ATP10B: variants seen among roughly 807,000 people sequenced by gnomAD.
ATP10B encodes ATPase phospholipid transporting 10B (putative).
Under a neutral mutation model 141.2 loss-of-function variants are expected in ATP10B, and 122 were observed. The ratio of observed to expected loss-of-function variants is 0.86; its 90% CI spans 0.75 to 1.00. The LOEUF (loss-of-function observed/expected upper bound fraction) is 1.00, where lower values mean the gene tolerates loss of function less well. Ranked by LOEUF, ATP10B falls within the 50% of genes least tolerant of loss-of-function variation. The pLI is 0.00. For missense variants in ATP10B, 1,876 were observed against 1,825.3 expected (o/e 1.03, Z -0.51); for synonymous variants, 685 against 692.0 (o/e 0.99, Z 0.16).
chr5:160,781,457 A>C (rs768275489), intron 2 of ATP10B, among the ~76,000 whole-genome samples: 9 of 152,128 alleles, frequency 5.9e-5, no homozygotes, highest in Admixed American at 3.9e-4. Context: ...TTTGGTGGGC[A>C]CAGAACTCCA....
At chr5:160,653,922 A>T (rs1177425893) in intron 7 of ATP10B, among the ~76,000 whole-genome samples, 1 of 148 alleles carries the variant, frequency 6.8e-3, no homozygotes, top group South Asian at 0.25. Flanking sequence ...ACATATATAA[A>T]TATGTTGTAT....
the ATP10B span, among the ~76,000 whole-genome samples, chr5:160,923,923 A>G: frequency 4.4e-3 from 675 of 152,374 alleles, 3 homozygotes; most frequent in Non-Finnish European, 6.6e-3. Flanking sequence ...GGTGTTCAAA[A>G]GGATGGGGCT....
chr5:160,785,642 T>C lies in ATP10B; in HGVS notation c.-414A>G. The C allele has an allele frequency of 1.6e-6, 2 of 1,276,950 alleles. No homozygotes were observed. Among genetic ancestry groups the C allele is most frequent in the South Asian group, 1.2e-5 (1 of 80,782 alleles). 79.1% of individuals were successfully genotyped at this position (1,276,950 alleles called of 1,614,324 possible). A position where few individuals can be genotyped will look rare whatever the true frequency, so the allele number is the denominator to read the frequency against. ...AGTGTTTATTGTTCTCATCTTTGTGTCCATGTGTAAGAAATGGTAGTTTCT... is the reference window on the plus strand; with the variant it reads ...AGTGTTTATTGTTCTCATCTTTGTGCCCATGTGTAAGAAATGGTAGTTTCT... On this transcript the variant is annotated 5_prime_UTR_variant, in exon 2 of 26. Coordinates refer to ENST00000327245, the MANE Select transcript of ATP10B (RefSeq NM_025153.3).
Position 160,684,876 on chromosome 5 carries a change from C to T in ATP10B, c.470+1203G>A, listed in dbSNP as rs1172051844. 2.4e-5 allele frequency: 17 copies of T among 702,030 alleles called. 1 individual carries two copies. The highest frequency in any genetic ancestry group is 1.0e-4 in the African/African-American group (6 of 57,184). 43.5% of individuals were successfully genotyped at this position (702,030 alleles called of 1,614,324 possible). On this transcript the variant is annotated intron_variant, in intron 6 of 25. Transcript: ENST00000327245. ...ACTCTCGGTTATTGATGACTTTATC[C>T]GATTTGTACCTCCGGAGGTCTTCCC...
chr5:160,851,945 G>A lies in ATP10B; in HGVS notation c.-580C>T, dbSNP rs1173102159. 1 of 152,152 alleles carries A rather than the reference G, an allele frequency of 6.6e-6. No individual in the cohort carries two copies. 9.4% of individuals were successfully genotyped at this position (152,152 alleles called of 1,614,324 possible). A position where few individuals can be genotyped will look rare whatever the true frequency, so the allele number is the denominator to read the frequency against. Reference sequence around the variant, plus strand: ...GGCCAGGATGCTTTTACTTACCCCAGCAAAGCTGACGTCCCTATTGAGCAG... The same window carrying A: ...GGCCAGGATGCTTTTACTTACCCCAACAAAGCTGACGTCCCTATTGAGCAG... On this transcript the variant is annotated 5_prime_UTR_variant, in exon 1 of 26. Coordinates refer to ENST00000327245, the MANE Select transcript of ATP10B (RefSeq NM_025153.3).
chr5:160,652,568 C>T (rs1760827611), intron 7 of ATP10B, among the ~76,000 whole-genome samples: 2 of 144,564 alleles, frequency 1.4e-5, no homozygotes, highest in East Asian at 4.0e-4. Context: ...AAACAATCTT[C>T]CCACCTCAGC....
At chr5:160,597,985 G>C (rs1756832446) in intron 22 of ATP10B, among the ~76,000 whole-genome samples, 1 of 141,266 alleles carries the variant, frequency 7.1e-6, no homozygotes, top group Admixed American at 7.2e-5. Flanking sequence ...AGTCAGTGTG[G>C]GGATTCCTCA....
chr5:160,640,870 G>A (rs779284833), intron 9 of ATP10B, among the ~76,000 whole-genome samples: 7 of 152,186 alleles, frequency 4.6e-5, no homozygotes, highest in Non-Finnish European at 5.9e-5. Flanking sequence ...ACTTTAGAGC[G>A]TAGCCCTCAT....
chr5:160,678,267 A>G (rs966122967), intron 6 of ATP10B, among the ~76,000 whole-genome samples: 1 of 152,220 alleles, frequency 6.6e-6, no homozygotes, highest in African/African-American at 2.4e-5. Flanking sequence ...AGAACTAGCA[A>G]TTCCACCCTT....
chr5:160,673,832 G>T (rs1212818461), intron 6 of ATP10B, among the ~76,000 whole-genome samples: 1 of 152,098 alleles, frequency 6.6e-6, no homozygotes, highest in African/African-American at 2.4e-5. Context: ...CAAGTATAAG[G>T]CTACTTACAG....
intron 18 of ATP10B, among the ~76,000 whole-genome samples, chr5:160,608,451 G>A (rs1270342340): frequency 1.3e-5 from 2 of 152,170 alleles, no homozygotes; most frequent in South Asian, 2.1e-4. Flanking sequence ...ACCCAGTAAT[G>A]GGATGTCTGG....
At chr5:160,873,548 G>A in the ATP10B span, among the ~76,000 whole-genome samples, 1 of 152,218 alleles carries the variant, frequency 6.6e-6, no homozygotes, top group Non-Finnish European at 1.5e-5. Flanking sequence ...GGCCGAATAG[G>A]AACAGCTCCG....
At chr5:160,642,654 C>A (rs1439177885) in intron 9 of ATP10B, among the ~76,000 whole-genome samples, 2 of 152,202 alleles carry the variant, frequency 1.3e-5, no homozygotes, top group African/African-American at 4.8e-5. Flanking sequence ...AGAACCCCAG[C>A]TCTAGATAAT....
chr5:160,707,690 G>C lies in ATP10B; in HGVS notation c.-205+9219C>G, dbSNP rs567797570. Among the ~76,000 whole-genome samples the C allele has an allele frequency of 2.2e-4, 34 of 152,280 alleles. 1 individual carries two copies. The highest frequency in any genetic ancestry group is 7.9e-4 in the African/African-American group (33 of 41,532). Reference sequence around the variant, plus strand: ...CTATTAATATCAGATGAGTGGAAGAGAATCTATAAAGTCAAAATGACTAAG... The same window carrying C: ...CTATTAATATCAGATGAGTGGAAGACAATCTATAAAGTCAAAATGACTAAG... On this transcript the variant is annotated intron_variant, in intron 3 of 25. Coordinates refer to ENST00000327245, the MANE Select transcript of ATP10B (RefSeq NM_025153.3).
At chr5:160,613,044 G>T in intron 17 of ATP10B, 119 bp from the exon 18 acceptor site, 1 of 969,656 alleles carries the variant, frequency 1.0e-6, no homozygotes, top group Non-Finnish European at 1.5e-6. Context: ...GCTAGGCTGT[G>T]TACCCAGGAT....
At chr5:160,594,484 C>T (rs1214820129) in intron 22 of ATP10B, among the ~76,000 whole-genome samples, 1 of 152,056 alleles carries the variant, frequency 6.6e-6, no homozygotes, top group Non-Finnish European at 1.5e-5. Context: ...CATCAACTAA[C>T]AAGCAAAATA....
chr5:160,830,702 G>A (rs925452504), intron 1 of ATP10B, among the ~76,000 whole-genome samples: 3 of 151,880 alleles, frequency 2.0e-5, no homozygotes, highest in Admixed American at 6.6e-5. Context: ...TCCATTATCT[G>A]TAGAGTAGAT....
intron 24 of ATP10B, among the ~76,000 whole-genome samples, chr5:160,578,777 C>T (rs1473398126): frequency 1.3e-5 from 2 of 152,330 alleles, no homozygotes. Context: ...CTGTCTTCCA[C>T]AATGGTTGAA....
At chr5:160,896,262 C>A in the ATP10B span, among the ~76,000 whole-genome samples, 1 of 151,432 alleles carries the variant, frequency 6.6e-6, no homozygotes, top group African/African-American at 2.4e-5. Context: ...ATCAATGAAT[C>A]CAGGAACTTG....
Sources: gnomAD v4.1 joint callset for allele counts (sites outside exome capture counted in the v4.1 genomes callset) on GRCh38, gnomAD v4.1.1 for gene constraint, MANE v1.5 for transcripts, NCBI Gene and HGNC (gene_info 2026-07-23, HGNC 2026-07-21) for gene names.